PTPRT: variants seen among roughly 807,000 people sequenced by gnomAD.
PTPRT encodes the protein protein tyrosine phosphatase receptor type T, also known as receptor-type tyrosine-protein phosphatase T.
Under a neutral mutation model 176.8 loss-of-function variants are expected in PTPRT, and 56 were observed. That is an observed-to-expected ratio of 0.32 (90% CI 0.26 to 0.40). PTPRT has a LOEUF of 0.40. Ranked by LOEUF, PTPRT falls within the 10% of genes least tolerant of loss-of-function variation. The probability of loss-of-function intolerance (pLI) is 1.00; values close to 1 mark genes in which losing one functional copy is unlikely to be tolerated. For synonymous variants in PTPRT, 783 were observed against 739.0 expected (o/e 1.06, Z -0.96); for missense variants, 1,540 against 1,908.2 (o/e 0.81, Z 3.60).
At chr20:42,267,010 TATAATA>T (rs1021056178) in intron 13 of PTPRT, among the ~76,000 whole-genome samples, 1 of 152,176 alleles carries the variant, frequency 6.6e-6, no homozygotes, top group Non-Finnish European at 1.5e-5. Context: ...TTTTGCTGCA[TATAATA>T]ATAATAATAT....
chr20:42,057,739 C>T, the PTPRT span, among the ~76,000 whole-genome samples: 4 of 152,014 alleles, frequency 2.6e-5, no homozygotes, highest in Non-Finnish European at 4.4e-5. Context: ...CAGATAAACA[C>T]CTCACACCTG....
chr20:42,919,567 C>A (rs919403373), intron 1 of PTPRT, among the ~76,000 whole-genome samples: 1 of 152,230 alleles, frequency 6.6e-6, no homozygotes, highest in Non-Finnish European at 1.5e-5. Context: ...CATAGATTCA[C>A]ATCCATAAAA....
At position 42,560,772 on chromosome 20, in the gene PTPRT, G is replaced by A. The variant is rs759573561; in HGVS notation, c.1154-88210C>T. Among the ~76,000 whole-genome samples the A allele has an allele frequency of 5.9e-5, 9 of 152,116 alleles. No homozygotes were observed. The South Asian group carries it at 8.3e-4, about 14-fold the overall frequency. On this transcript the variant is annotated intron_variant, in intron 7 of 30. Coordinates refer to ENST00000373187, the MANE Select transcript of PTPRT (RefSeq NM_007050.6). ...TCTGAGGGCAGTGACTAGGGCTCCC[G>A]CATAAAGCACACCCCACCCAGGAGG... is the stretch of plus-strand genomic sequence containing the variant.
At chr20:42,645,226 G>A (rs1292587671) in intron 7 of PTPRT, among the ~76,000 whole-genome samples, 4 of 152,154 alleles carry the variant, frequency 2.6e-5, no homozygotes, top group African/African-American at 9.7e-5. Context: ...TGCTTTTTGA[G>A]TCTCCCTGAA....
At chr20:42,409,481 CAAAAAAAAAAAAAAAA>C (rs58932390) in intron 9 of PTPRT, among the ~76,000 whole-genome samples, 16 of 112,168 alleles carry the variant, frequency 1.4e-4, no homozygotes, top group African/African-American at 5.5e-4. Context: ...GACTCTGTCG[CAAAAAAAAAAAAAAAA>C]AAAAAAAAAA....
At chr20:43,037,352 A>C (rs2146206902) in intron 1 of PTPRT, among the ~76,000 whole-genome samples, 1 of 152,356 alleles carries the variant, frequency 6.6e-6, no homozygotes. Flanking sequence ...CGTTATTCTA[A>C]AACTTAAATA....
chr20:42,973,026 A>C (rs545490840), intron 1 of PTPRT, among the ~76,000 whole-genome samples: 9 of 152,122 alleles, frequency 5.9e-5, no homozygotes, highest in African/African-American at 1.9e-4. Flanking sequence ...CAGCTGCATG[A>C]AGAATACATG....
chr20:42,424,210 T>C (rs1450039404), intron 9 of PTPRT, among the ~76,000 whole-genome samples: 1 of 152,200 alleles, frequency 6.6e-6, no homozygotes, highest in African/African-American at 2.4e-5. Context: ...ACTCAAGTTT[T>C]CCAAACCTCA....
intron 29 of PTPRT, 24 bp downstream of exon 29, chr20:42,084,658 T>C: frequency 7.1e-7 from 1 of 1,410,510 alleles, no homozygotes. Flanking sequence ...CCTATTGCCC[T>C]GGTGACACCT....
At chr20:42,083,118 C>A (rs867495257) in intron 29 of PTPRT, among the ~76,000 whole-genome samples, 245 of 59,884 alleles carry the variant, frequency 4.1e-3, no homozygotes, top group South Asian at 4.5e-3. Flanking sequence ...GACACTAGTG[C>A]AAAAAAAAAA....
At chr20:42,084,389 G>A (rs921064220) in intron 29 of PTPRT, among the ~76,000 whole-genome samples, 8 of 152,210 alleles carry the variant, frequency 5.3e-5, no homozygotes, top group African/African-American at 1.7e-4. Flanking sequence ...TTTGTCCTAT[G>A]ATCCCTTTAA....
At position 42,128,569 on chromosome 20, in the gene PTPRT, A is replaced by T. The variant is rs577979577; in HGVS notation, c.2847+185T>A. 6.6e-5 allele frequency among the ~76,000 whole-genome samples: 10 copies of T among 152,324 alleles called. 1 individual carries two copies. Among genetic ancestry groups the T allele is most frequent in the Admixed American group, 6.5e-4 (10 of 15,308 alleles). On this transcript the variant is annotated intron_variant, in intron 19 of 30. Coordinates refer to ENST00000373187, the MANE Select transcript of PTPRT (RefSeq NM_007050.6). ...CTGAGGCCCCATAGAGCAGGCTACT[A>T]CAGCTAGCCTGAAAGTGGATGCAGT...
In PTPRT at chr20:42,520,249, CAGAAT is replaced by C. The variant is rs145088498; in HGVS notation, c.1154-47692_1154-47688del. Among the ~76,000 whole-genome samples, 815 of 151,896 alleles carry C rather than the reference CAGAAT, an allele frequency of 5.4e-3. 2 individuals are homozygous for C. Among genetic ancestry groups the C allele is most frequent in the Non-Finnish European group, 9.5e-3 (645 of 67,918 alleles). On this transcript the variant is annotated intron_variant, in intron 7 of 30. Transcript: ENST00000373187. ...TAAAATATAGTATAACTATAGAAAA[CAGAAT>C]AGGACAAATATAGAGCTTAATGAAT... is the stretch of plus-strand genomic sequence containing the variant.
At chr20:42,346,307 T>C (rs1227421804) in intron 11 of PTPRT, among the ~76,000 whole-genome samples, 1 of 152,184 alleles carries the variant, frequency 6.6e-6, no homozygotes, top group African/African-American at 2.4e-5. Context: ...GACTGCATTA[T>C]AGGTGACTAA....
chr20:42,883,420 C>T (rs2092574416), intron 2 of PTPRT, among the ~76,000 whole-genome samples: 2 of 151,762 alleles, frequency 1.3e-5, no homozygotes, highest in South Asian at 2.1e-4. Flanking sequence ...GAAACATGGC[C>T]CCCCGGTTTC....
intron 2 of PTPRT, among the ~76,000 whole-genome samples, chr20:42,858,557 C>T (rs2078605832): frequency 6.6e-6 from 1 of 152,028 alleles, no homozygotes; most frequent in African/African-American, 2.4e-5. Flanking sequence ...TAAAAGGGAC[C>T]CCAGAGAGCT....
chr20:42,585,874 A>T (rs568289599), intron 7 of PTPRT, among the ~76,000 whole-genome samples: 17 of 152,308 alleles, frequency 1.1e-4, no homozygotes, highest in African/African-American at 3.8e-4. Flanking sequence ...AGTTTATTGT[A>T]ACAATATGTA....
intron 1 of PTPRT, among the ~76,000 whole-genome samples, chr20:43,158,946 T>C (rs145630128): frequency 0.01 from 1,537 of 152,302 alleles, 10 homozygotes; most frequent in Non-Finnish European, 0.015. Flanking sequence ...TAGTAACCGC[T>C]CAGTAAAAAT....
chr20:42,136,779 C>T (rs1241272960), intron 18 of PTPRT, among the ~76,000 whole-genome samples: 2 of 152,172 alleles, frequency 1.3e-5, no homozygotes, highest in Non-Finnish European at 1.5e-5. Context: ...TAGTTGTTGT[C>T]GGGGGGTGAT....
Sources: allele counts gnomAD v4.1 joint callset (sites outside exome capture counted in the v4.1 genomes callset), GRCh38; gene constraint gnomAD v4.1.1; transcripts MANE v1.5; gene names NCBI Gene and HGNC (gene_info 2026-07-23, HGNC 2026-07-21).